Variants in CDH12 observed in about 807,000 individuals in gnomAD.
CDH12 encodes the protein cadherin 12, also known as cadherin-12.
In CDH12, 41 loss-of-function variants were observed where a neutral mutation model predicts 74.1. The observed-to-expected ratio is 0.55, with a 90% CI of 0.43 to 0.72. The LOEUF (loss-of-function observed/expected upper bound fraction) is 0.72. Ranked by LOEUF, CDH12 falls within the 30% of genes least tolerant of loss-of-function variation. CDH12 has a pLI of 0.00. For synonymous variants in CDH12, 399 were observed against 355.0 expected (o/e 1.12, Z -1.39); for missense variants, 945 against 977.2 (o/e 0.97, Z 0.44).
chr5:22,387,270 T>A (rs1039263021), intron 3 of CDH12, among the ~76,000 whole-genome samples: 5 of 151,842 alleles, frequency 3.3e-5, no homozygotes, highest in South Asian at 2.1e-4. Context: ...TTACAATTTT[T>A]AAAAAAAATT....
intron 4 of CDH12, among the ~76,000 whole-genome samples, chr5:22,145,544 C>T (rs1747102866): frequency 6.6e-6 from 1 of 152,064 alleles, no homozygotes; most frequent in African/African-American, 2.4e-5. Flanking sequence ...TGTCTACAAT[C>T]TTAATTGTTA....
intron 4 of CDH12, among the ~76,000 whole-genome samples, chr5:22,204,162 G>GGTTTTT (rs1554020485): frequency 6.2e-5 from 8 of 129,844 alleles, no homozygotes; most frequent in Non-Finnish European, 1.0e-4. Flanking sequence ...TGTTTTGTTT[G>GGTTTTT]TTTTTTTTTT....
At chr5:22,474,398 C>T (rs1485457930) in intron 2 of CDH12, among the ~76,000 whole-genome samples, 1 of 152,112 alleles carries the variant, frequency 6.6e-6, no homozygotes, top group Non-Finnish European at 1.5e-5. Flanking sequence ...GAATGATTCT[C>T]ATCGGAGTGG....
chr5:22,336,456 G>A (rs1470731528), intron 3 of CDH12, among the ~76,000 whole-genome samples: 1 of 152,158 alleles, frequency 6.6e-6, no homozygotes, highest in Admixed American at 6.5e-5. Flanking sequence ...AGTCCTGGAG[G>A]CCTAGGAAGA....
At chr5:22,121,817 C>A (rs1024107586) in intron 4 of CDH12, among the ~76,000 whole-genome samples, 6 of 152,076 alleles carry the variant, frequency 3.9e-5, no homozygotes, top group Admixed American at 3.9e-4. Context: ...CATTACCAAG[C>A]CCTCTGGAAA....
chr5:21,759,861 A>G (rs1744617130), intron 13 of CDH12, among the ~76,000 whole-genome samples: 1 of 151,890 alleles, frequency 6.6e-6, no homozygotes. Flanking sequence ...AGTAGACTCC[A>G]AGGCTTGTTG....
chr5:22,562,967 T>C (rs1043539890), intron 1 of CDH12, among the ~76,000 whole-genome samples: 1 of 147,806 alleles, frequency 6.8e-6, no homozygotes, highest in Non-Finnish European at 1.5e-5. Context: ...ATATAATGCA[T>C]GTTTATTTAA....
At chr5:22,820,646 A>C (rs980415750) in intron 1 of CDH12, among the ~76,000 whole-genome samples, 4 of 152,188 alleles carry the variant, frequency 2.6e-5, no homozygotes, top group African/African-American at 7.2e-5. Flanking sequence ...GAAATGGATA[A>C]ATTCCTCGAC....
intron 1 of CDH12, among the ~76,000 whole-genome samples, chr5:22,769,772 ATACAAATAGTATTTTCT>A (rs1746714487): frequency 6.6e-6 from 1 of 151,076 alleles, no homozygotes; most frequent in Non-Finnish European, 1.5e-5. Context: ...AACCAAAACA[ATACAAATAGTATTTTCT>A]TATGATATTC....
intron 1 of CDH12, among the ~76,000 whole-genome samples, chr5:22,698,916 G>A (rs1299288198): frequency 6.6e-6 from 1 of 151,476 alleles, no homozygotes; most frequent in Non-Finnish European, 1.5e-5. Flanking sequence ...TCTCTATGTA[G>A]TTGTGATACC....
intron 5 of CDH12, among the ~76,000 whole-genome samples, chr5:22,013,618 T>C (rs1737422415): frequency 1.3e-5 from 2 of 152,164 alleles, no homozygotes; most frequent in African/African-American, 4.8e-5. Flanking sequence ...TTATCTCAGC[T>C]CATACTGGCT....
rs1174217593 is a variant in CDH12 at position 21,975,388 on chromosome 5, T to C, written c.232-3A>G. The C allele has an allele frequency of 6.3e-7, 1 of 1,580,768 alleles. No individual in the cohort carries two copies. The highest frequency in any genetic ancestry group is 8.5e-7 in the Non-Finnish European group (1 of 1,172,376). ...CCCTTGTCTAAGTCGGAATGGAGCTTTAGGGAAGAGAAGGAGAGAGAGAGG... is the reference window on the plus strand; with the variant it reads ...CCCTTGTCTAAGTCGGAATGGAGCTCTAGGGAAGAGAAGGAGAGAGAGAGG... On this transcript the variant is annotated splice_polypyrimidine_tract_variant and splice_region_variant and intron_variant, in intron 5 of 14. Transcript: ENST00000382254.
At chr5:22,840,859 T>C (rs1581053143) in intron 1 of CDH12, among the ~76,000 whole-genome samples, 1 of 152,140 alleles carries the variant, frequency 6.6e-6, no homozygotes, top group South Asian at 2.1e-4. Context: ...GCCAAGTAGG[T>C]GGCTGGTAAT....
intron 6 of CDH12, among the ~76,000 whole-genome samples, chr5:21,904,168 G>A (rs770279942): frequency 5.3e-5 from 8 of 151,982 alleles, no homozygotes; most frequent in African/African-American, 1.2e-4. Flanking sequence ...ATTTTTCCCC[G>A]TGTAAAAATG....
intron 1 of CDH12, among the ~76,000 whole-genome samples, chr5:22,539,570 G>A (rs937984954): frequency 3.9e-5 from 6 of 152,158 alleles, no homozygotes; most frequent in East Asian, 1.9e-4. Context: ...CTGTGCTGTC[G>A]AGATGATGTA....
At chr5:22,092,970 A>G (rs919240074) in intron 4 of CDH12, among the ~76,000 whole-genome samples, 3 of 152,170 alleles carry the variant, frequency 2.0e-5, no homozygotes, top group Admixed American at 1.3e-4. Context: ...TTAACACACA[A>G]CAAGCTTTAG....
intron 4 of CDH12, among the ~76,000 whole-genome samples, chr5:22,154,227 CT>C (rs977570382): frequency 3.3e-5 from 5 of 151,060 alleles, no homozygotes; most frequent in African/African-American, 1.2e-4. Flanking sequence ...TCATAATTAT[CT>C]TTTTGTGTAG....
At chr5:22,007,987 C>T (rs1193104277) in intron 5 of CDH12, among the ~76,000 whole-genome samples, 1 of 152,074 alleles carries the variant, frequency 6.6e-6, no homozygotes, top group Non-Finnish European at 1.5e-5. Context: ...GACAGACACA[C>T]AGGGACAGAA....
intron 5 of CDH12, among the ~76,000 whole-genome samples, chr5:22,062,178 A>G (rs1168560952): frequency 6.6e-6 from 1 of 152,194 alleles, no homozygotes; most frequent in East Asian, 1.9e-4. Context: ...GGTCCCGCCA[A>G]TTCAATTAAA....
Sources: allele counts gnomAD v4.1 joint callset (sites outside exome capture counted in the v4.1 genomes callset), GRCh38; gene constraint gnomAD v4.1.1; transcripts MANE v1.5; gene names NCBI Gene and HGNC (gene_info 2026-07-23, HGNC 2026-07-21).